The following TBC1D19 variants were observed in gnomAD, a reference collection of about 807,000 sequenced individuals.
TBC1D19 encodes TBC1 domain family member 19.
Under a neutral mutation model 89.0 loss-of-function variants are expected in TBC1D19, and 60 were observed. That is an observed-to-expected ratio of 0.67 (90% CI 0.55 to 0.84). The LOEUF is 0.84. Ranked by LOEUF, TBC1D19 falls within the 40% of genes least tolerant of loss-of-function variation. The pLI is 0.00. For synonymous variants in TBC1D19, 189 were observed against 199.7 expected, an observed-to-expected ratio of 0.95 and a Z score of 0.45; for missense variants, 500 against 610.8, an observed-to-expected ratio of 0.82 and a Z score of 1.91.
At chr4:26,770,235 AC>A in the TBC1D19 span, among the ~76,000 whole-genome samples, 1 of 152,132 alleles carries the variant, frequency 6.6e-6, no homozygotes, top group Non-Finnish European at 1.5e-5. Flanking sequence ...ATATAAAGGC[AC>A]AATTAGGTTA....
At chr4:26,741,288 G>A (rs1443181436) in intron 17 of TBC1D19, among the ~76,000 whole-genome samples, 13 of 150,742 alleles carry the variant, frequency 8.6e-5, no homozygotes, top group African/African-American at 3.2e-4. Context: ...CCCGGGAAGC[G>A]GAGCTTGCAG....
the TBC1D19 span, among the ~76,000 whole-genome samples, chr4:26,821,548 A>G: frequency 6.6e-6 from 1 of 152,234 alleles, no homozygotes; most frequent in African/African-American, 2.4e-5. Flanking sequence ...GGATTTAGCC[A>G]TGTTTCTGGG....
intron 8 of TBC1D19, among the ~76,000 whole-genome samples, chr4:26,660,012 GACAA>G (rs1292532734): frequency 1.3e-5 from 2 of 152,120 alleles, no homozygotes; most frequent in Non-Finnish European, 2.9e-5. Context: ...AACTGATTGA[GACAA>G]ATTGTGAGTT....
At chr4:26,684,580 G>T (rs1475707804) in intron 12 of TBC1D19, among the ~76,000 whole-genome samples, 3 of 152,182 alleles carry the variant, frequency 2.0e-5, no homozygotes, top group Non-Finnish European at 1.5e-5. Flanking sequence ...TTACATAGAA[G>T]TTGAACCAGA....
At chr4:26,677,737 A>T (rs187436888) in intron 11 of TBC1D19, among the ~76,000 whole-genome samples, 8 of 152,224 alleles carry the variant, frequency 5.3e-5, no homozygotes, top group African/African-American at 1.9e-4. Flanking sequence ...TGTTCTCATG[A>T]TAGTGAGTGA....
intron 9 of TBC1D19, among the ~76,000 whole-genome samples, chr4:26,670,477 T>C (rs1467560058): frequency 1.3e-5 from 2 of 151,782 alleles, no homozygotes; most frequent in East Asian, 3.9e-4. Flanking sequence ...AGAATTCTTC[T>C]GATTTTTCTT....
chr4:26,841,665 C>T, the TBC1D19 span, among the ~76,000 whole-genome samples: 1 of 152,172 alleles, frequency 6.6e-6, no homozygotes, highest in Admixed American at 6.5e-5. Context: ...GCAACCAGAG[C>T]ATCTGGGAGA....
chr4:26,769,767 C>T, the TBC1D19 span, among the ~76,000 whole-genome samples: 508 of 152,020 alleles, frequency 3.3e-3, 1 homozygote, highest in African/African-American at 0.011. Context: ...AGGCTGGTCT[C>T]GAACTTCTGA....
intron 18 of TBC1D19, among the ~76,000 whole-genome samples, chr4:26,745,431 C>T (rs1462095290): frequency 2.0e-5 from 3 of 149,860 alleles, no homozygotes; most frequent in African/African-American, 7.4e-5. Flanking sequence ...ATTTTATCTC[C>T]ACTATTAGAT....
chr4:26,671,302 T>A (rs1712282140), intron 9 of TBC1D19, among the ~76,000 whole-genome samples: 1 of 151,824 alleles, frequency 6.6e-6, no homozygotes, highest in African/African-American at 2.4e-5. Context: ...TGAGCAGCTT[T>A]TCATATGTTT....
chr4:26,834,092 C>G, the TBC1D19 span, among the ~76,000 whole-genome samples: 2 of 152,160 alleles, frequency 1.3e-5, no homozygotes, highest in South Asian at 2.1e-4. Context: ...CCCTCTCCCC[C>G]TTCCTTCTCT....
Position 26,723,548 on chromosome 4 carries a change from A to G in TBC1D19, c.1084+3423A>G, listed in dbSNP as rs535964447. Among the ~76,000 whole-genome samples the G allele has an allele frequency of 8.1e-4, 123 of 152,252 alleles. No homozygotes were observed. The Middle Eastern group carries it at 0.01, about 13-fold the overall frequency. On this transcript the variant is annotated intron_variant, in intron 15 of 20. Coordinates refer to ENST00000264866, the MANE Select transcript of TBC1D19 (RefSeq NM_018317.4). ...CTGTGATTACCTTCCCTGGGAGGGA[A>G]ATGACAGGCTATGGTGGCATCAGAC...
At chr4:26,651,572 G>A (rs1037318848) in intron 7 of TBC1D19, among the ~76,000 whole-genome samples, 11 of 152,162 alleles carry the variant, frequency 7.2e-5, no homozygotes, top group East Asian at 3.8e-4. Flanking sequence ...TGTATCCTGA[G>A]CCTTTGCTGA....
the TBC1D19 span, among the ~76,000 whole-genome samples, chr4:26,818,824 C>T: frequency 5.3e-5 from 8 of 152,280 alleles, no homozygotes; most frequent in East Asian, 1.4e-3. Context: ...GTCAATTGGT[C>T]ACCTTAGTTG....
the TBC1D19 span, among the ~76,000 whole-genome samples, chr4:26,823,166 C>T: frequency 6.6e-6 from 1 of 152,306 alleles, no homozygotes; most frequent in Admixed American, 6.5e-5. Context: ...TGGCAACAGG[C>T]AAACAGAGAG....
intron 13 of TBC1D19, among the ~76,000 whole-genome samples, chr4:26,697,347 C>T (rs948309599): frequency 1.3e-5 from 2 of 152,130 alleles, no homozygotes; most frequent in African/African-American, 2.4e-5. Context: ...CAATAACAGG[C>T]TCTGGAATTG....
the TBC1D19 span, among the ~76,000 whole-genome samples, chr4:26,792,506 G>T: frequency 6.6e-6 from 1 of 152,208 alleles, no homozygotes; most frequent in Non-Finnish European, 1.5e-5. Flanking sequence ...AACAGGCCCA[G>T]CTGGAGGCGA....
At chr4:26,789,463 A>G in the TBC1D19 span, among the ~76,000 whole-genome samples, 1 of 152,258 alleles carries the variant, frequency 6.6e-6, no homozygotes, top group Non-Finnish European at 1.5e-5. Flanking sequence ...GAAAATGTTC[A>G]TCACTAATCA....
chr4:26,658,522 A>T (rs1745021777), intron 7 of TBC1D19, among the ~76,000 whole-genome samples: 1 of 152,196 alleles, frequency 6.6e-6, no homozygotes, highest in Non-Finnish European at 1.5e-5. Flanking sequence ...AGGAAGTGTG[A>T]TGCCTCCAGC....
Sources: gnomAD v4.1 joint callset for allele counts (sites outside exome capture counted in the v4.1 genomes callset) on GRCh38, gnomAD v4.1.1 for gene constraint, MANE v1.5 for transcripts, NCBI Gene and HGNC (gene_info 2026-07-23, HGNC 2026-07-21) for gene names.